DNAJC15: variants seen among roughly 807,000 people sequenced by gnomAD.
DNAJC15 encodes DnaJ heat shock protein family (Hsp40) member C15, also known as dnaJ homolog subfamily C member 15.
DNAJC15 carries 27 observed loss-of-function variants against 22.4 expected under a neutral mutation model. The ratio of observed to expected loss-of-function variants is 1.20; its 90% CI spans 0.89 to 1.66. DNAJC15 has a LOEUF of 1.66. Among genes scored for constraint, DNAJC15 ranks in the 40% most tolerant of loss-of-function variants. The pLI is 0.00. For synonymous variants in DNAJC15, 79 were observed against 63.2 expected (o/e 1.25, Z -1.19); for missense variants, 208 against 187.1 (o/e 1.11, Z -0.65).
At chr13:43,082,865 CAT>C (rs1432167711) in intron 4 of DNAJC15, among the ~76,000 whole-genome samples, 2 of 117,020 alleles carry the variant, frequency 1.7e-5, no homozygotes, top group Non-Finnish European at 4.2e-5. Context: ...TATATACACA[CAT>C]ATATGTGCGT....
chr13:43,034,066 T>C (rs1252080294), intron 1 of DNAJC15, among the ~76,000 whole-genome samples: 1 of 151,150 alleles, frequency 6.6e-6, no homozygotes, highest in Admixed American at 6.6e-5. Context: ...GCCAGTTTCA[T>C]CACATCATAT....
intron 1 of DNAJC15, among the ~76,000 whole-genome samples, chr13:43,030,899 G>A (rs1050492074): frequency 1.3e-5 from 2 of 152,222 alleles, no homozygotes; most frequent in Non-Finnish European, 2.9e-5. Context: ...TGGATAAAAT[G>A]CTTGATTTCG....
intron 1 of DNAJC15, among the ~76,000 whole-genome samples, chr13:43,046,086 T>C (rs1003692867): frequency 1.6e-4 from 25 of 152,372 alleles, no homozygotes; most frequent in African/African-American, 6.0e-4. Flanking sequence ...ATTGGGAGTT[T>C]ATTTTCCTTA....
At chr13:43,086,156 C>T (rs2040687263) in intron 5 of DNAJC15, among the ~76,000 whole-genome samples, 1 of 152,138 alleles carries the variant, frequency 6.6e-6, no homozygotes, top group Admixed American at 6.5e-5. Flanking sequence ...CTGATTTGGG[C>T]ATCACGAATT....
At chr13:43,066,000 G>T (rs2040581776) in intron 2 of DNAJC15, among the ~76,000 whole-genome samples, 2 of 152,038 alleles carry the variant, frequency 1.3e-5, no homozygotes, top group Non-Finnish European at 2.9e-5. Flanking sequence ...TTTTCAGTTT[G>T]AAGTATAGTA....
At chr13:43,066,394 G>A (rs1293048499) in intron 2 of DNAJC15, among the ~76,000 whole-genome samples, 1 of 151,952 alleles carries the variant, frequency 6.6e-6, no homozygotes. Flanking sequence ...AAAGCCAACA[G>A]CTTAGCATCT....
intron 4 of DNAJC15, among the ~76,000 whole-genome samples, chr13:43,081,866 G>A (rs1278497166): frequency 6.6e-6 from 1 of 152,072 alleles, no homozygotes; most frequent in Non-Finnish European, 1.5e-5. Context: ...AGGTTTAATG[G>A]ACTCACAGTT....
chr13:43,052,021 G>A (rs2040506581), intron 1 of DNAJC15, among the ~76,000 whole-genome samples: 1 of 152,076 alleles, frequency 6.6e-6, no homozygotes, highest in African/African-American at 2.4e-5. Context: ...CTGGAGTGCA[G>A]TGGCGTGATC....
intron 1 of DNAJC15, among the ~76,000 whole-genome samples, chr13:43,061,862 C>T (rs2040560749): frequency 6.6e-6 from 1 of 152,188 alleles, no homozygotes; most frequent in Non-Finnish European, 1.5e-5. Context: ...GGATAAAAAG[C>T]AAGATCTTTA....
At chr13:43,087,517 A>G (rs1207382512) in intron 5 of DNAJC15, among the ~76,000 whole-genome samples, 1 of 152,222 alleles carries the variant, frequency 6.6e-6, no homozygotes. Flanking sequence ...ATCCAAGAGT[A>G]TTTGGGGAAG....
Position 43,023,643 on chromosome 13 carries a change from T to A in DNAJC15, c.17T>A (p.Val6Asp), listed in dbSNP as rs1398753360. 4 of 1,611,876 alleles carry A rather than the reference T, an allele frequency of 2.5e-6. No homozygotes were observed. The highest frequency in any genetic ancestry group is 3.4e-6 in the Non-Finnish European group (4 of 1,179,172). ...CGCCTTGCCATGGCTGCCCGTGGTG[T>A]CATCGCTCCAGTTGGCGAGAGTTTG... MAARGVIAPVGESLRY... is the reference protein window; with the variant it reads MAARGDIAPVGESLRY... The change falls in exon 1 of 6, where the codon GTC (valine) becomes GAC (aspartate). Residue 6 changes from valine to aspartate, a missense_variant. Coordinates refer to ENST00000379221, the MANE Select transcript of DNAJC15 (RefSeq NM_013238.3).
chr13:43,063,693 A>G (rs1314510566), intron 1 of DNAJC15, among the ~76,000 whole-genome samples: 3 of 152,132 alleles, frequency 2.0e-5, no homozygotes, highest in South Asian at 2.1e-4. Flanking sequence ...AAGCCTGTGT[A>G]TATTTGGATA....
chr13:43,066,849 G>GACCTCGTGATCCACCC (rs1224211150), intron 2 of DNAJC15, among the ~76,000 whole-genome samples: 15 of 152,242 alleles, frequency 9.9e-5, no homozygotes, highest in African/African-American at 3.4e-4. Context: ...TCGATCGCCT[G>GACCTCGTGATCCACCC]ACCTCGTGAT....
intron 1 of DNAJC15, among the ~76,000 whole-genome samples, chr13:43,024,350 T>G (rs1269961722): frequency 8.4e-5 from 12 of 142,140 alleles, no homozygotes; most frequent in African/African-American, 2.6e-4. Flanking sequence ...TTTTTTTTTT[T>G]TTTTTTTTTT....
At chr13:43,025,214 A>G (rs1593305955) in intron 1 of DNAJC15, among the ~76,000 whole-genome samples, 1 of 152,214 alleles carries the variant, frequency 6.6e-6, no homozygotes, top group African/African-American at 2.4e-5. Context: ...TTCTGGATAT[A>G]GTATTCAGTG....
At position 43,107,269 on chromosome 13, in the gene DNAJC15, G is replaced by T; in HGVS notation, c.*21G>T. The T allele has an allele frequency of 6.7e-7, 1 of 1,489,260 alleles. No homozygotes were observed. The highest frequency in any genetic ancestry group is 8.9e-7 in the Non-Finnish European group (1 of 1,127,654). 92.3% of individuals were successfully genotyped at this position (1,489,260 alleles called of 1,614,324 possible). ...ATTGATGCTTAAGGACCACACTGAA[G>T]GAAAAAAAAAGAGGGGACTTCGAAA... On this transcript the variant is annotated 3_prime_UTR_variant, in exon 6 of 6. Transcript: ENST00000379221.
At chr13:43,100,545 T>C (rs1287520928) in intron 5 of DNAJC15, among the ~76,000 whole-genome samples, 1 of 152,086 alleles carries the variant, frequency 6.6e-6, no homozygotes, top group Non-Finnish European at 1.5e-5. Context: ...TTTATAGCAA[T>C]AAATTTCTCT....
intron 1 of DNAJC15, among the ~76,000 whole-genome samples, chr13:43,048,662 A>G (rs896929451): frequency 1.3e-5 from 2 of 152,064 alleles, no homozygotes; most frequent in Admixed American, 6.5e-5. Context: ...TTTTTCTTAC[A>G]TAGAGACCAC....
intron 1 of DNAJC15, among the ~76,000 whole-genome samples, chr13:43,030,310 A>T (rs2040398724): frequency 6.6e-6 from 1 of 152,208 alleles, no homozygotes; most frequent in Non-Finnish European, 1.5e-5. Flanking sequence ...CAAGATTGCC[A>T]CCCTCAAGGG....
Sources: allele counts gnomAD v4.1 joint callset (sites outside exome capture counted in the v4.1 genomes callset), GRCh38; gene constraint gnomAD v4.1.1; transcripts MANE v1.5; gene names NCBI Gene and HGNC (gene_info 2026-07-23, HGNC 2026-07-21).